Variants in KDM1A observed in about 807,000 individuals in gnomAD.
The protein encoded by KDM1A is lysine-specific histone demethylase 1A.
KDM1A carries 49 observed loss-of-function variants against 109.4 expected under a neutral mutation model. The ratio of observed to expected loss-of-function variants is 0.45; its 90% confidence interval spans 0.36 to 0.57. The LOEUF (loss-of-function observed/expected upper bound fraction) is 0.57, where lower values mean the gene tolerates loss of function less well. Ranked by LOEUF, KDM1A falls within the 20% of genes least tolerant of loss-of-function variation. The pLI, the probability that KDM1A is intolerant of heterozygous loss-of-function variation, is 0.00. For synonymous variants in KDM1A, 380 were observed against 415.4 expected, an observed-to-expected ratio of 0.91 and a Z score of 1.04; for missense variants, 668 against 1,116.6, an observed-to-expected ratio of 0.60 and a Z score of 5.73.
Position 23,082,223 on chromosome 1 carries a change from A to T in KDM1A, c.2302A>T (p.Lys768Ter). The T allele has an allele frequency of 6.2e-7, 1 of 1,612,806 alleles. No individual in the cohort carries two copies. Among genetic ancestry groups the T allele is most frequent in the Non-Finnish European group, 8.5e-7 (1 of 1,179,644 alleles). The part of the protein sequence containing the change: ...IFGSSAVPQP[K>*]ETVVSRWRAD... ...TTGCTCCTGGTTTTTCTTTTAGCCC[A>T]AAGAAACTGTGGTGTCTCGTTGGCG... is the stretch of plus-strand genomic sequence containing the variant. The change falls in exon 20 of 21, where the codon AAA (lysine) becomes TAA (stop). Residue 768 changes from lysine to a stop codon, truncating the protein, a stop_gained. Transcript: ENST00000400181. LOFTEE classifies it high-confidence loss of function.
rs1157642863 is a variant in KDM1A, at chr1:23,073,326, C to T, written c.1657C>T (p.Leu553Phe). ...VYLSSRDRQILDWHFANLEFA... is the reference protein window; with the variant it reads ...VYLSSRDRQIFDWHFANLEFA... Reference sequence around the variant, plus strand: ...TCTCTCATCAAGAGACAGACAAATACTTGATTGGCATTTTGCAAATCTTGA... The same window carrying T: ...TCTCTCATCAAGAGACAGACAAATATTTGATTGGCATTTTGCAAATCTTGA... The change falls in exon 15 of 21, where the codon CTT (leucine) becomes TTT (phenylalanine). Residue 553 changes from leucine (L) to phenylalanine (F), a missense_variant. Leu to Phe is a conservative substitution (Grantham distance 22). Coordinates refer to ENST00000400181, the MANE Select transcript of KDM1A (RefSeq NM_001009999.3). 6.2e-7 allele frequency: 1 copy of T among 1,610,078 alleles called. No individual in the cohort carries two copies.
At position 23,082,348 on chromosome 1, in the gene KDM1A, G is replaced by T. The variant is rs759361794; in HGVS notation, c.2427G>T (p.Ser809=). The change falls in exon 20 of 21, where the codon TCG becomes TCT. Residue 809 remains serine, a synonymous_variant. Coordinates refer to ENST00000400181, the MANE Select transcript of KDM1A (RefSeq NM_001009999.3). ...CTCAGCCAATCACTCCTGGCCCCTC[G>T]ATTCCAGGTGCCCCACAGGTGAGAA... ...LMAQPITPGP[S]IPGAPQPIPR... 7 of 1,611,976 alleles carry T rather than the reference G, an allele frequency of 4.3e-6. No individual in the cohort carries two copies. The African/African-American group carries it at 9.4e-5, about 22-fold the overall frequency.
intron 14 of KDM1A, 122 bp downstream of exon 14, chr1:23,072,319 TTAAA>T (rs764925091): frequency 5.6e-6 from 4 of 711,774 alleles, no homozygotes; most frequent in East Asian, 2.7e-5. Context: ...GTTTAAATTG[TTAAA>T]TAAATGAATG....
chr1:23,082,067 TA>T, intron 19 of KDM1A, 152 bp from the exon 20 acceptor site: 1 of 732,524 alleles, frequency 1.4e-6, no homozygotes, highest in Non-Finnish European at 2.2e-6. Flanking sequence ...ATGTGTGTTT[TA>T]AAGCAGGCAT....
At chr1:23,039,487 C>G (rs942567665) in intron 2 of KDM1A, among the ~76,000 whole-genome samples, 1 of 152,154 alleles carries the variant, frequency 6.6e-6, no homozygotes. Flanking sequence ...ACTAAAATAG[C>G]ATTTGTTTTG....
chr1:23,062,075 T>C (rs1174635137), intron 9 of KDM1A, among the ~76,000 whole-genome samples: 1 of 152,250 alleles, frequency 6.6e-6, no homozygotes, highest in African/African-American at 2.4e-5. Flanking sequence ...TCAGTAGCTT[T>C]ATTCTCTTAT....
chr1:23,042,080 GA>G (rs1381258123), intron 2 of KDM1A, among the ~76,000 whole-genome samples: 1 of 152,130 alleles, frequency 6.6e-6, no homozygotes, highest in South Asian at 2.1e-4. Flanking sequence ...AGTTGGAAAA[GA>G]AGGGAAATGA....
At chr1:23,066,629 A>G (rs1301965497) in intron 10 of KDM1A, among the ~76,000 whole-genome samples, 1 of 152,192 alleles carries the variant, frequency 6.6e-6, no homozygotes, top group Non-Finnish European at 1.5e-5. Flanking sequence ...CTTGGCTGCT[A>G]TAGCATCCTC....
rs1643571178 is a variant in KDM1A, at chr1:23,079,977, G to A, written c.2170+310G>A. Among the ~76,000 whole-genome samples, 1 of 152,060 alleles carries A rather than the reference G, an allele frequency of 6.6e-6. No homozygotes were observed. Among genetic ancestry groups the A allele is most frequent in the Non-Finnish European group, 1.5e-5 (1 of 68,014 alleles). Reference sequence around the variant, plus strand: ...AGGCCCAGGGAGGCTTCCTACCAGGGGAAGCTTGCGTTCTCATTCTCAGAC... The same window carrying A: ...AGGCCCAGGGAGGCTTCCTACCAGGAGAAGCTTGCGTTCTCATTCTCAGAC... On this transcript the variant is annotated intron_variant, in intron 18 of 20. Coordinates refer to ENST00000400181, the MANE Select transcript of KDM1A (RefSeq NM_001009999.3). The surrounding 1 kb of genome is among the most constrained non-coding windows in gnomAD (Gnocchi z 5.6).
At chr1:23,037,621 T>A (rs1642188020) in intron 2 of KDM1A, among the ~76,000 whole-genome samples, 1 of 152,212 alleles carries the variant, frequency 6.6e-6, no homozygotes, top group African/African-American at 2.4e-5. Flanking sequence ...ATAGTCACCA[T>A]GTTGTATAAT....
At chr1:23,050,644 C>T (rs974149689) in intron 4 of KDM1A, 124 bp downstream of exon 4, 1 of 704,646 alleles carries the variant, frequency 1.4e-6, no homozygotes, top group Non-Finnish European at 2.1e-6. Context: ...TATTATTACC[C>T]AGAGATAACC....
At chr1:23,070,711 G>A (rs1643292550) in intron 12 of KDM1A, among the ~76,000 whole-genome samples, 1 of 151,902 alleles carries the variant, frequency 6.6e-6, no homozygotes, top group South Asian at 2.1e-4. Flanking sequence ...AGGAAGCTGA[G>A]GCAGGAGAAT....
chr1:23,057,598 A>C (rs368711028), intron 8 of KDM1A, 33 bp downstream of exon 8: 1 of 1,489,620 alleles, frequency 6.7e-7, no homozygotes, highest in African/African-American at 1.4e-5. Flanking sequence ...TATATAGTAC[A>C]TGGTCTAAGA....
intron 5 of KDM1A, 112 bp from the exon 6 acceptor site, chr1:23,054,957 A>T: frequency 1.5e-6 from 1 of 656,790 alleles, no homozygotes; most frequent in Non-Finnish European, 2.6e-6. Flanking sequence ...GAGTCACATG[A>T]CTTGAAGCTT....
At chr1:23,041,630 A>G (rs1191371229) in intron 2 of KDM1A, among the ~76,000 whole-genome samples, 1 of 150,926 alleles carries the variant, frequency 6.6e-6, no homozygotes, top group African/African-American at 2.4e-5. Flanking sequence ...TTTAGTAGAG[A>G]CAGCGTTTCA....
chr1:23,079,530 C>A lies in KDM1A; in HGVS notation c.2056-23C>A. 2 of 1,583,110 alleles carry A rather than the reference C, an allele frequency of 1.3e-6. No individual in the cohort carries two copies. The highest frequency in any genetic ancestry group is 2.2e-5 in the South Asian group (2 of 89,388). On this transcript the variant is annotated intron_variant, in intron 17 of 20. Transcript: ENST00000400181. The surrounding 1 kb of genome is among the most constrained non-coding windows in gnomAD (Gnocchi z 5.6). ...TATTATCTGGCCCCTGTCACTGGCTCATGTGCTTCTTTCTTATGGTAGGTG... is the reference window on the plus strand; with the variant it reads ...TATTATCTGGCCCCTGTCACTGGCTAATGTGCTTCTTTCTTATGGTAGGTG...
chr1:23,082,115 C>T, intron 19 of KDM1A, 105 bp from the exon 20 acceptor site: 1 of 1,246,194 alleles, frequency 8.0e-7, no homozygotes. Context: ...TGTTGCCCCT[C>T]TTTCTCTTCA....
intron 16 of KDM1A, 82 bp from the exon 17 acceptor site, chr1:23,078,908 C>A: frequency 8.7e-7 from 1 of 1,144,300 alleles, no homozygotes; most frequent in Non-Finnish European, 1.2e-6. Flanking sequence ...AATGGATGTC[C>A]ATCTGTTGTA....
chr1:23,074,005 G>T (rs1318809470), intron 15 of KDM1A, among the ~76,000 whole-genome samples: 1 of 152,152 alleles, frequency 6.6e-6, no homozygotes, highest in East Asian at 1.9e-4. Context: ...TGGAATTGCT[G>T]GGTACTATGG....
Sources: gnomAD v4.1 joint callset for allele counts (sites outside exome capture counted in the v4.1 genomes callset) on GRCh38, gnomAD v4.1.1 for gene constraint, Gnocchi (gnomAD v3.1) non-coding constraint, MANE v1.5 for transcripts, NCBI Gene and HGNC (gene_info 2026-07-23, HGNC 2026-07-21) for gene names.